The following SRGAP2 variants were observed in gnomAD, a reference collection of about 807,000 sequenced individuals.
SRGAP2 encodes SLIT-ROBO Rho GTPase-activating protein 2.
In SRGAP2, 15 loss-of-function variants were observed where a neutral mutation model predicts 57.2. That is an observed-to-expected ratio of 0.26 (90% CI 0.18 to 0.40). The LOEUF (loss-of-function observed/expected upper bound fraction) is 0.40. Among genes scored for constraint, SRGAP2 ranks in the 10% least tolerant of loss-of-function variants. The pLI, the probability that SRGAP2 is intolerant of heterozygous loss-of-function variation, is 1.00. For missense variants in SRGAP2, 520 were observed against 669.6 expected (o/e 0.78, Z 2.47); for synonymous variants, 249 against 248.0 (o/e 1.00, Z -0.04).
intron 2 of SRGAP2, among the ~76,000 whole-genome samples, chr1:206,262,874 G>A (rs1229878219): frequency 2.0e-5 from 2 of 102,112 alleles, no homozygotes; most frequent in African/African-American, 9.3e-5. Flanking sequence ...GTTTTATCGT[G>A]GGTTTTGTTT....
intron 10 of SRGAP2, among the ~76,000 whole-genome samples, chr1:206,412,863 A>G (rs1659339501): frequency 6.6e-6 from 1 of 152,218 alleles, no homozygotes; most frequent in Non-Finnish European, 1.5e-5. Context: ...ACGTGCCTGC[A>G]GACTCTGAGA....
intron 13 of SRGAP2, among the ~76,000 whole-genome samples, chr1:206,427,710 CT>C (rs1394072598): frequency 1.3e-5 from 2 of 152,210 alleles, no homozygotes; most frequent in African/African-American, 4.8e-5. Context: ...AGTCTGGTCT[CT>C]GTCCTGAACA....
Position 206,464,095 on chromosome 1 carries a change from T to G in SRGAP2, c.*2675T>G, listed in dbSNP as rs1553382044. 1.3e-5 allele frequency: 2 copies of G among 152,616 alleles called. No homozygotes were observed. The highest frequency in any genetic ancestry group is 2.4e-5 in the African/African-American group (1 of 41,432). The allele number at this position is 152,616 out of a possible 1,614,324, so 9.5% of individuals were successfully genotyped here. A position where few individuals can be genotyped will look rare whatever the true frequency, so the allele number is the denominator to read the frequency against. Reference sequence around the variant, plus strand: ...CCAGCAGCCTGTAAACTGGAAACACTGGTCTCAGCCAACCTCCTCAGGGCG... The same window carrying G: ...CCAGCAGCCTGTAAACTGGAAACACGGGTCTCAGCCAACCTCCTCAGGGCG... On this transcript the variant is annotated 3_prime_UTR_variant, in exon 23 of 23. Transcript: ENST00000573034.
chr1:206,241,058 C>T lies in SRGAP2; in HGVS notation c.67+35021C>T, dbSNP rs141377374. On this transcript the variant is annotated intron_variant, in intron 2 of 22. Transcript: ENST00000573034. ...AATTAGCTGGACTTGGTGGCACCCA[C>T]CTGTGGTCCCAGCTACTTGGGAGGC... 6.6e-3 allele frequency among the ~76,000 whole-genome samples: 1,001 copies of T among 152,298 alleles called. 3 individuals are homozygous for T. The highest frequency in any genetic ancestry group is 0.027 in the Middle Eastern group (8 of 294).
At chr1:206,420,913 C>A (rs114111963) in intron 12 of SRGAP2, among the ~76,000 whole-genome samples, 1,898 of 152,248 alleles carry the variant, frequency 0.012, 53 homozygotes, top group African/African-American at 0.043. Context: ...TTCTTATTGT[C>A]TAGCCCAAAA....
At chr1:206,289,298 A>G (rs1223472809) in intron 2 of SRGAP2, among the ~76,000 whole-genome samples, 7 of 128,706 alleles carry the variant, frequency 5.4e-5, no homozygotes, top group African/African-American at 2.2e-4. Flanking sequence ...TTTGAGACGG[A>G]GTCTCGCTCT....
chr1:206,247,373 T>C (rs1214253255), intron 2 of SRGAP2, among the ~76,000 whole-genome samples: 1 of 149,628 alleles, frequency 6.7e-6, no homozygotes, highest in Admixed American at 6.7e-5. Flanking sequence ...TCTGTCAAGA[T>C]GCTGGCCCCA....
Position 206,446,185 on chromosome 1 carries a change from C to A in SRGAP2, c.1985C>A (p.Ala662Asp). Residue 662 changes from alanine (A) to aspartate (D), a missense_variant, in exon 18 of 23, where the codon GCC becomes GAC. Transcript: ENST00000573034. ...PEGHDQVSCQ[A>D]HVNELIKTII... ...GGCCACGACCAGGTGTCCTGCCAAG[C>A]CCACGTGAATGAGCTGATCAAAACC... is the stretch of plus-strand genomic sequence containing the variant. The A allele has an allele frequency of 1.3e-6, 1 of 780,954 alleles. No homozygotes were observed. The highest frequency in any genetic ancestry group is 2.4e-6 in the Non-Finnish European group (1 of 418,006). 48.4% of individuals were successfully genotyped at this position (780,954 alleles called of 1,614,324 possible). A position where few individuals can be genotyped will look rare whatever the true frequency, so the allele number is the denominator to read the frequency against.
chr1:206,217,365 A>G (rs1666714066), intron 2 of SRGAP2, among the ~76,000 whole-genome samples: 1 of 151,386 alleles, frequency 6.6e-6, no homozygotes, highest in Non-Finnish European at 1.5e-5. Context: ...AGGATTCTAC[A>G]CAGGCAGAAT....
chr1:206,385,703 A>G (rs1656159620), intron 5 of SRGAP2, among the ~76,000 whole-genome samples: 1 of 151,790 alleles, frequency 6.6e-6, no homozygotes, highest in Non-Finnish European at 1.5e-5. Flanking sequence ...TGTTTGAGTG[A>G]GGAAGAAAAC....
chr1:206,315,711 TA>T (rs1673017713), intron 3 of SRGAP2, among the ~76,000 whole-genome samples: 1 of 97,094 alleles, frequency 1.0e-5, no homozygotes. Flanking sequence ...AGAATTCAGT[TA>T]AAAGTTCTTT....
intron 2 of SRGAP2, among the ~76,000 whole-genome samples, chr1:206,265,837 AG>A (rs1204782925): frequency 6.5e-4 from 95 of 146,798 alleles, no homozygotes; most frequent in Admixed American, 1.1e-3. Flanking sequence ...TTTTAAACCT[AG>A]GTTTTGGTAT....
At position 206,419,412 on chromosome 1, in the gene SRGAP2, C is replaced by CT; in HGVS notation, c.1469+13dup. On this transcript the variant is annotated intron_variant, in intron 12 of 22. Transcript: ENST00000573034. ...TGCAGTCTAGCCAGGTGAGTGTGGC[C>CT]TGGGACAGGCCTGGGAAGTGATAGA... The CT allele has an allele frequency of 1.3e-6, 1 of 780,742 alleles. No homozygotes were observed. Among genetic ancestry groups the CT allele is most frequent in the Non-Finnish European group, 2.4e-6 (1 of 417,910 alleles). The allele number at this position is 780,742 out of a possible 1,614,324, so 48.4% of individuals were successfully genotyped here.
At chr1:206,452,403 AGG>A (rs1553376276) in intron 19 of SRGAP2, among the ~76,000 whole-genome samples, 1 of 152,166 alleles carries the variant, frequency 6.6e-6, no homozygotes, top group African/African-American at 2.4e-5. Context: ...TCTACTTACT[AGG>A]GGGAATGGAT....
chr1:206,340,803 T>G lies in SRGAP2; in HGVS notation c.261-2043T>G, dbSNP rs558265430. Reference sequence around the variant, plus strand: ...ATTTAGGATTGTTTCCAGTTCACTTTTTTTTCCCCAGATACTAAACATTTT... The same window carrying G: ...ATTTAGGATTGTTTCCAGTTCACTTGTTTTTCCCCAGATACTAAACATTTT... On this transcript the variant is annotated intron_variant, in intron 3 of 22. Coordinates refer to ENST00000573034, the MANE Select transcript of SRGAP2 (RefSeq NM_015326.5). Among the ~76,000 whole-genome samples, 531 of 150,082 alleles carry G rather than the reference T, an allele frequency of 3.5e-3. 3 individuals are homozygous for G. The highest frequency in any genetic ancestry group is 0.012 in the African/African-American group (497 of 40,630).
At chr1:206,443,763 A>G (rs1273676978) in intron 17 of SRGAP2, among the ~76,000 whole-genome samples, 9 of 152,342 alleles carry the variant, frequency 5.9e-5, no homozygotes, top group African/African-American at 2.2e-4. Context: ...TTCAAAGATT[A>G]TTAACACCAT....
chr1:206,253,574 T>G (rs1230750819), intron 2 of SRGAP2, among the ~76,000 whole-genome samples: 1 of 39,964 alleles, frequency 2.5e-5, no homozygotes, highest in Non-Finnish European at 4.8e-5. Flanking sequence ...TCTTTCTTTC[T>G]TTTTTTTTTT....
At chr1:206,321,888 C>T in intron 3 of SRGAP2, among the ~76,000 whole-genome samples, 1 of 152,134 alleles carries the variant, frequency 6.6e-6, no homozygotes, top group East Asian at 1.9e-4. Context: ...GTGGAGTTGA[C>T]CATTTTTTCA....
intron 13 of SRGAP2, among the ~76,000 whole-genome samples, chr1:206,427,750 C>T (rs1553366863): frequency 6.6e-6 from 1 of 152,156 alleles, no homozygotes; most frequent in Non-Finnish European, 1.5e-5. Context: ...TAAGTTCGGT[C>T]CCCTCTCCCT....
Sources: gnomAD v4.1 joint callset for allele counts (sites outside exome capture counted in the v4.1 genomes callset) on GRCh38, gnomAD v4.1.1 for gene constraint, MANE v1.5 for transcripts, NCBI Gene and HGNC (gene_info 2026-07-23, HGNC 2026-07-21) for gene names.